CSMD1: variants seen among roughly 807,000 people sequenced by gnomAD.
CSMD1 encodes the protein CUB and Sushi multiple domains 1.
CSMD1 carries 213 observed loss-of-function variants against 417.5 expected under a neutral mutation model. The ratio of observed to expected loss-of-function variants is 0.51; its 90% CI spans 0.46 to 0.57. CSMD1 has a LOEUF of 0.57. Among genes scored for constraint, CSMD1 ranks in the 20% least tolerant of loss-of-function variants. The pLI is 0.00. For missense variants in CSMD1, 6,923 were observed against 4,529.7 expected (o/e 1.53, Z -15.17); for synonymous variants, 2,862 against 1,736.8 (o/e 1.65, Z -16.11).
chr8:3,926,878 G>C (rs888926973), intron 5 of CSMD1, among the ~76,000 whole-genome samples: 5 of 151,714 alleles, frequency 3.3e-5, no homozygotes, highest in East Asian at 1.9e-4. Flanking sequence ...ACGACACCCA[G>C]CTAAGTTTTG....
intron 5 of CSMD1, among the ~76,000 whole-genome samples, chr8:3,767,496 C>T (rs1339100102): frequency 6.6e-6 from 1 of 152,196 alleles, no homozygotes; most frequent in African/African-American, 2.4e-5. Context: ...TCTACTTCCC[C>T]CAACCTAACT....
intron 26 of CSMD1, among the ~76,000 whole-genome samples, chr8:3,239,617 A>T (rs1367444195): frequency 6.6e-6 from 1 of 152,208 alleles, no homozygotes; most frequent in Non-Finnish European, 1.5e-5. Flanking sequence ...CAGATGGAAT[A>T]CTGAGAAGTT....
At chr8:3,977,101 T>A (rs976321485) in intron 5 of CSMD1, among the ~76,000 whole-genome samples, 1 of 152,230 alleles carries the variant, frequency 6.6e-6, no homozygotes, top group African/African-American at 2.4e-5. Context: ...CCTTTCATCT[T>A]AATTTCTGCA....
chr8:3,239,081 T>C (rs1799333394), intron 26 of CSMD1, among the ~76,000 whole-genome samples: 1 of 152,200 alleles, frequency 6.6e-6, no homozygotes, highest in Non-Finnish European at 1.5e-5. Flanking sequence ...TGTAGCATTC[T>C]GAGGACAGAC....
chr8:4,284,003 A>AT (rs762881475), intron 3 of CSMD1, among the ~76,000 whole-genome samples: 1 of 152,046 alleles, frequency 6.6e-6, no homozygotes, highest in African/African-American at 2.4e-5. Context: ...GAGGCCGAGG[A>AT]AGGTGAATCA....
At chr8:3,501,866 A>G (rs1414200156) in intron 10 of CSMD1, among the ~76,000 whole-genome samples, 1 of 152,190 alleles carries the variant, frequency 6.6e-6, no homozygotes, top group Non-Finnish European at 1.5e-5. Context: ...CTAAAAATGT[A>G]ATTAATGATA....
At chr8:4,162,720 T>C (rs187659879) in intron 3 of CSMD1, among the ~76,000 whole-genome samples, 25 of 152,272 alleles carry the variant, frequency 1.6e-4, no homozygotes, top group Admixed American at 5.2e-4. Flanking sequence ...GGTGCATTTG[T>C]TCCAATCGAT....
intron 26 of CSMD1, among the ~76,000 whole-genome samples, chr8:3,268,562 A>G (rs2117134948): frequency 6.6e-6 from 1 of 152,114 alleles, no homozygotes. Context: ...CTGGGATTAC[A>G]GGCGTGAGCC....
chr8:4,165,787 T>C (rs1797423502), intron 3 of CSMD1, among the ~76,000 whole-genome samples: 1 of 152,224 alleles, frequency 6.6e-6, no homozygotes, highest in Non-Finnish European at 1.5e-5. Flanking sequence ...GCTCACGTGT[T>C]GTCACTCCAG....
chr8:3,209,572 G>A (rs777465031), intron 30 of CSMD1, among the ~76,000 whole-genome samples: 23 of 152,174 alleles, frequency 1.5e-4, no homozygotes, highest in Non-Finnish European at 2.2e-4. Context: ...GCCTGCCTCG[G>A]CCTCCCAAAG....
chr8:4,457,309 C>T (rs1457708128), intron 2 of CSMD1, among the ~76,000 whole-genome samples: 1 of 152,052 alleles, frequency 6.6e-6, no homozygotes, highest in Non-Finnish European at 1.5e-5. Context: ...TCTAAGACTA[C>T]TTTTGAATTT....
chr8:4,373,351 C>G (rs1475680538), intron 3 of CSMD1, among the ~76,000 whole-genome samples: 1 of 152,148 alleles, frequency 6.6e-6, no homozygotes, highest in Non-Finnish European at 1.5e-5. Context: ...TAGTTAATAA[C>G]GTGTCACTGT....
intron 2 of CSMD1, among the ~76,000 whole-genome samples, chr8:4,600,345 T>C (rs1202829894): frequency 2.0e-5 from 3 of 152,204 alleles, no homozygotes; most frequent in Non-Finnish European, 4.4e-5. Context: ...GTCATAGCTA[T>C]AGACTTAATA....
intron 18 of CSMD1, among the ~76,000 whole-genome samples, chr8:3,378,079 G>C (rs1010229486): frequency 6.6e-6 from 1 of 152,154 alleles, no homozygotes; most frequent in Non-Finnish European, 1.5e-5. Context: ...GGATGAAGAA[G>C]GGTATTGAAT....
chr8:2,973,141 A>C lies in CSMD1; in HGVS notation c.8899T>G (p.Ser2967Ala). ...ERTCLLNGSW[S>A]GLQPVCEAVS... The stretch of plus-strand genomic sequence containing the variant: ...CCCTCACACACCGGCTGCAGTCCTG[A>C]CCATGACCCATTGAGCAAACACGTG... The change falls in exon 57 of 70, where the codon TCA (serine) becomes GCA (alanine). Residue 2967 changes from serine to alanine, a missense_variant. Coordinates refer to ENST00000635120, the MANE Select transcript of CSMD1 (RefSeq NM_033225.6). 6.2e-7 allele frequency: 1 copy of C among 1,613,760 alleles called. No homozygotes were observed. The highest frequency in any genetic ancestry group is 1.1e-5 in the South Asian group (1 of 91,078).
At chr8:3,371,912 T>A (rs1450670146) in intron 18 of CSMD1, among the ~76,000 whole-genome samples, 1 of 152,246 alleles carries the variant, frequency 6.6e-6, no homozygotes, top group East Asian at 1.9e-4. Flanking sequence ...GAAATTAATG[T>A]ATTCAACAAA....
intron 3 of CSMD1, among the ~76,000 whole-genome samples, chr8:4,052,800 G>T (rs1367199152): frequency 1.3e-5 from 2 of 152,150 alleles, no homozygotes; most frequent in African/African-American, 4.8e-5. Context: ...CCCACTTCCA[G>T]ATACTCTAAC....
At chr8:4,879,317 G>C (rs1803250957) in intron 1 of CSMD1, among the ~76,000 whole-genome samples, 1 of 151,932 alleles carries the variant, frequency 6.6e-6, no homozygotes, top group Non-Finnish European at 1.5e-5. Flanking sequence ...AGCAGGACTT[G>C]GAAATATAGG....
At chr8:4,938,594 A>G (rs544837204) in intron 1 of CSMD1, among the ~76,000 whole-genome samples, 2 of 152,340 alleles carry the variant, frequency 1.3e-5, no homozygotes, top group East Asian at 3.9e-4. Context: ...GGGAAAACGC[A>G]TACTTGCATA....
Sources: allele counts gnomAD v4.1 joint callset (sites outside exome capture counted in the v4.1 genomes callset), GRCh38; gene constraint gnomAD v4.1.1; transcripts MANE v1.5; gene names NCBI Gene and HGNC (gene_info 2026-07-23, HGNC 2026-07-21).